The following ABI2 variants were observed in gnomAD, a reference collection of about 807,000 sequenced individuals.
The protein encoded by ABI2 is abl interactor 2.
A neutral mutation model predicts 59.2 loss-of-function variants in ABI2; 25 were observed. The ratio of observed to expected loss-of-function variants is 0.42; its 90% CI spans 0.31 to 0.59. ABI2 has a LOEUF of 0.59. ABI2 is among the 20% of genes least tolerant of loss of function. The pLI is 0.14. For missense variants in ABI2, 545 were observed against 681.8 expected (o/e 0.80, Z 2.23); for synonymous variants, 213 against 235.5 (o/e 0.90, Z 0.87).
intron 10 of ABI2, among the ~76,000 whole-genome samples, chr2:203,411,572 TATAAA>T (rs1177919887): frequency 6.6e-6 from 1 of 152,166 alleles, no homozygotes; most frequent in Non-Finnish European, 1.5e-5. Flanking sequence ...GACAAATACA[TATAAA>T]ATAAGGCACA....
chr2:203,359,824 A>G (rs374180821), intron 1 of ABI2, among the ~76,000 whole-genome samples: 5 of 127,482 alleles, frequency 3.9e-5, no homozygotes, highest in Admixed American at 8.9e-5. Context: ...CATCAGTGTT[A>G]GGTTCCAACA....
intron 11 of ABI2, among the ~76,000 whole-genome samples, chr2:203,420,807 G>A (rs879561289): frequency 1.1e-4 from 17 of 152,154 alleles, no homozygotes; most frequent in South Asian, 2.1e-4. Flanking sequence ...TTCCTAGAAA[G>A]CTTCTCAGAG....
chr2:203,415,340 G>A (rs929014866), intron 10 of ABI2, among the ~76,000 whole-genome samples: 3 of 151,932 alleles, frequency 2.0e-5, no homozygotes, highest in Admixed American at 6.6e-5. Context: ...TTAATTCACC[G>A]GGCGCGGTGG....
chr2:203,413,828 A>G (rs972280300), intron 10 of ABI2, among the ~76,000 whole-genome samples: 1 of 152,192 alleles, frequency 6.6e-6, no homozygotes, highest in Admixed American at 6.5e-5. Context: ...CTTGGTAGCA[A>G]ATACTCACTC....
intron 1 of ABI2, among the ~76,000 whole-genome samples, chr2:203,364,065 GTACCA>G (rs932130116): frequency 6.6e-6 from 1 of 150,996 alleles, no homozygotes; most frequent in African/African-American, 2.4e-5. Context: ...TACCTGGCCT[GTACCA>G]TATTTTCTTT....
At chr2:203,351,419 C>G (rs1559188959) in intron 1 of ABI2, 4 of 336,928 alleles carry the variant, frequency 1.2e-5, no homozygotes, top group Non-Finnish European at 5.6e-6. Flanking sequence ...TGTAGATAAA[C>G]TTGGGGAGCC....
At chr2:203,372,799 G>C (rs955425838) in intron 2 of ABI2, among the ~76,000 whole-genome samples, 2 of 151,956 alleles carry the variant, frequency 1.3e-5, no homozygotes, top group Non-Finnish European at 2.9e-5. Context: ...CAGATGGGGC[G>C]GCCGGGCAGA....
chr2:203,346,466 TAAG>T (rs1476265213), intron 1 of ABI2, among the ~76,000 whole-genome samples: 5 of 152,248 alleles, frequency 3.3e-5, no homozygotes, highest in African/African-American at 1.2e-4. Context: ...ACATCAGCTG[TAAG>T]AAGGAAGGTG....
At chr2:203,410,762 C>G (rs2097636334) in intron 9 of ABI2, among the ~76,000 whole-genome samples, 1 of 152,126 alleles carries the variant, frequency 6.6e-6, no homozygotes. Flanking sequence ...AACCAGTTTA[C>G]TTGCCTACAA....
intron 11 of ABI2, among the ~76,000 whole-genome samples, chr2:203,420,841 AATG>A (rs2098168162): frequency 6.6e-6 from 1 of 151,820 alleles, no homozygotes; most frequent in African/African-American, 2.4e-5. Flanking sequence ...TGGTGCCTTG[AATG>A]ATGAATAGGA....
intron 4 of ABI2, among the ~76,000 whole-genome samples, chr2:203,389,916 T>C (rs1383497922): frequency 6.6e-6 from 1 of 152,172 alleles, no homozygotes; most frequent in Non-Finnish European, 1.5e-5. Context: ...GCATTTTCAG[T>C]TGGGGATAGA....
chr2:203,368,046 A>C (rs1368427820), intron 2 of ABI2, among the ~76,000 whole-genome samples: 1 of 152,152 alleles, frequency 6.6e-6, no homozygotes, highest in Non-Finnish European at 1.5e-5. Flanking sequence ...TAATAGAGTC[A>C]GTTATAGAAT....
At chr2:203,342,340 G>GT (rs1264702669) in intron 1 of ABI2, 4 of 364,574 alleles carry the variant, frequency 1.1e-5, no homozygotes. Context: ...ATATGGGACT[G>GT]TTTTTTTGTT....
intron 1 of ABI2, among the ~76,000 whole-genome samples, chr2:203,353,850 C>T (rs1347928977): frequency 6.6e-6 from 1 of 152,102 alleles, no homozygotes; most frequent in Admixed American, 6.6e-5. Context: ...CTCCATATGT[C>T]CATGTGATAT....
intron 4 of ABI2, 41 bp downstream of exon 4, chr2:203,382,247 T>C (rs1394664620): frequency 1.5e-5 from 23 of 1,498,592 alleles, no homozygotes; most frequent in Non-Finnish European, 1.8e-5. Flanking sequence ...TTTGTTCTTA[T>C]GTAGAATATT....
intron 3 of ABI2, 39 bp downstream of exon 3, chr2:203,380,423 C>A: frequency 3.0e-6 from 4 of 1,314,846 alleles, no homozygotes; most frequent in Non-Finnish European, 2.0e-6. Flanking sequence ...AAGTAGTAAC[C>A]CATAATGAAA....
chr2:203,367,546 T>A (rs1444258042), intron 2 of ABI2: 3 of 151,904 alleles, frequency 2.0e-5, no homozygotes, highest in African/African-American at 7.2e-5. Flanking sequence ...CTTGTAAAAG[T>A]TTTTTAAAAA....
chr2:203,355,946 C>A (rs2091771801), intron 1 of ABI2, among the ~76,000 whole-genome samples: 1 of 150,224 alleles, frequency 6.7e-6, no homozygotes, highest in Non-Finnish European at 1.5e-5. Context: ...ATAATTTTTT[C>A]CCCAGATTGT....
chr2:203,389,869 C>G (rs748257452), intron 4 of ABI2, among the ~76,000 whole-genome samples: 1 of 152,162 alleles, frequency 6.6e-6, no homozygotes, highest in Non-Finnish European at 1.5e-5. Context: ...CTTTGGTGAC[C>G]TCCATTATTC....
Sources: gnomAD v4.1 joint callset for allele counts (sites outside exome capture counted in the v4.1 genomes callset) on GRCh38, gnomAD v4.1.1 for gene constraint, MANE v1.5 for transcripts, NCBI Gene and HGNC (gene_info 2026-07-23, HGNC 2026-07-21) for gene names.